Variants in CSMD2 observed in about 807,000 individuals in gnomAD.
CSMD2 encodes CUB and sushi domain-containing protein 2.
Under a neutral mutation model 398.5 loss-of-function variants are expected in CSMD2, and 130 were observed. The observed-to-expected ratio is 0.33, with a 90% confidence interval of 0.28 to 0.38. The LOEUF is 0.38. Ranked by LOEUF, CSMD2 falls within the 10% of genes least tolerant of loss-of-function variation. CSMD2 has a pLI of 1.00. For synonymous variants in CSMD2, 1,828 were observed against 1,908.5 expected (o/e 0.96, Z 1.10); for missense variants, 3,829 against 4,764.9 (o/e 0.80, Z 5.78).
At chr1:33,888,081 T>G (rs1008277881) in intron 5 of CSMD2, among the ~76,000 whole-genome samples, 1 of 152,108 alleles carries the variant, frequency 6.6e-6, no homozygotes, top group Admixed American at 6.5e-5. Flanking sequence ...ACTTATGTGA[T>G]GAAAACTATA....
intron 44 of CSMD2, among the ~76,000 whole-genome samples, chr1:33,593,857 T>G (rs1037701998): frequency 6.6e-6 from 1 of 152,164 alleles, no homozygotes; most frequent in African/African-American, 2.4e-5. Flanking sequence ...GTTTTACATG[T>G]TTTTTCTTTT....
intron 32 of CSMD2, among the ~76,000 whole-genome samples, chr1:33,630,328 T>C (rs955959991): frequency 1.5e-4 from 23 of 152,140 alleles, no homozygotes; most frequent in Non-Finnish European, 2.6e-4. Context: ...GAGGTGGTGG[T>C]TACAAAAAAT....
intron 24 of CSMD2, among the ~76,000 whole-genome samples, chr1:33,697,105 C>CCAGTT (rs1269901669): frequency 6.6e-6 from 1 of 152,116 alleles, no homozygotes; most frequent in African/African-American, 2.4e-5. Context: ...CCCAATAAGT[C>CCAGTT]CAGTCCAACT....
chr1:33,600,975 A>G lies in CSMD2; in HGVS notation c.6746T>C (p.Val2249Ala), dbSNP rs964902544. 1.2e-6 allele frequency: 2 copies of G among 1,614,112 alleles called. No homozygotes were observed. Among genetic ancestry groups the G allele is most frequent in the African/African-American group, 2.7e-5 (2 of 75,010 alleles). The change falls in exon 44 of 71, where the codon GTC (valine) becomes GCC (alanine). Residue 2249 changes from valine (V) to alanine (A), a missense_variant. This residue lies in a region of CSMD2 where 723 missense variants were observed against 758.6 expected (regional missense o/e 0.95). Coordinates refer to ENST00000373381, the MANE Select transcript of CSMD2 (RefSeq NM_001281956.2). ...TTTCTTGGCCATGCTCCGGGTGAAGACGCCGAGCCGTGGTGCTGTTTGCTG... is the reference window on the plus strand; with the variant it reads ...TTTCTTGGCCATGCTCCGGGTGAAGGCGCCGAGCCGTGGTGCTGTTTGCTG... Reference protein sequence around the residue: ...GPQQTAPRLGVFTRSMAKKTV... With the variant: ...GPQQTAPRLGAFTRSMAKKTV...
Position 33,716,504 on chromosome 1 carries a change from G to A in CSMD2, c.3002-3C>T, listed in dbSNP as rs755766357. ...GGTGTGGAAAGTGAAGAACACACCT[G>A]CCAAGAGACCAGAGGGTCAGGTTGT... On this transcript the variant is annotated splice_region_variant and splice_polypyrimidine_tract_variant and intron_variant, in intron 19 of 70. Coordinates refer to ENST00000373381, the MANE Select transcript of CSMD2 (RefSeq NM_001281956.2). The A allele has an allele frequency of 6.2e-7, 1 of 1,608,844 alleles. No individual in the cohort carries two copies. Among genetic ancestry groups the A allele is most frequent in the African/African-American group, 1.3e-5 (1 of 74,862 alleles).
chr1:33,760,721 C>T (rs1649718866), intron 13 of CSMD2, among the ~76,000 whole-genome samples: 1 of 152,104 alleles, frequency 6.6e-6, no homozygotes, highest in Admixed American at 6.6e-5. Flanking sequence ...TGGAACACAG[C>T]ACTGTGCTGG....
At chr1:34,031,129 C>T (rs1261730326) in intron 3 of CSMD2, among the ~76,000 whole-genome samples, 2 of 151,536 alleles carry the variant, frequency 1.3e-5, no homozygotes, top group Non-Finnish European at 2.9e-5. Context: ...ATTCTGTCAC[C>T]CAGGCTGGAG....
intron 2 of CSMD2, among the ~76,000 whole-genome samples, chr1:34,088,582 T>C (rs537193220): frequency 1.7e-4 from 26 of 152,340 alleles, no homozygotes; most frequent in African/African-American, 4.3e-4. Flanking sequence ...CAGAAAAGTA[T>C]TGATGGTTTC....
chr1:33,641,738 G>C (rs1643119571), intron 29 of CSMD2, among the ~76,000 whole-genome samples: 1 of 152,134 alleles, frequency 6.6e-6, no homozygotes, highest in African/African-American at 2.4e-5. Flanking sequence ...CTTTGCCTTA[G>C]AACCAGGTGG....
chr1:33,929,432 C>CCTTTTTT (rs1186047905), intron 4 of CSMD2, among the ~76,000 whole-genome samples: 1 of 100,650 alleles, frequency 9.9e-6, no homozygotes, highest in African/African-American at 4.4e-5. Context: ...CAAGCCTATA[C>CCTTTTTT]TTTTTTTTTT....
At chr1:33,912,651 C>G (rs1643514782) in intron 5 of CSMD2, among the ~76,000 whole-genome samples, 1 of 152,094 alleles carries the variant, frequency 6.6e-6, no homozygotes, top group Non-Finnish European at 1.5e-5. Context: ...GTAGTTGTCT[C>G]CTGAATGCCT....
chr1:33,611,300 T>A, intron 40 of CSMD2, 50 bp from the exon 41 acceptor site: 4 of 1,494,978 alleles, frequency 2.7e-6, no homozygotes, highest in Non-Finnish European at 3.7e-6. Context: ...CAGTCCTGCC[T>A]CAAGTGTGCT....
chr1:33,865,603 A>C (rs953091835), intron 5 of CSMD2, among the ~76,000 whole-genome samples: 3 of 152,122 alleles, frequency 2.0e-5, no homozygotes, highest in Non-Finnish European at 4.4e-5. Context: ...AGTTGGTCCT[A>C]TCAGGGTGGA....
chr1:34,081,926 C>T (rs1010737691), intron 2 of CSMD2, among the ~76,000 whole-genome samples: 1 of 151,792 alleles, frequency 6.6e-6, no homozygotes, highest in Non-Finnish European at 1.5e-5. Context: ...AGCGTCTCTT[C>T]CCGGCCGCCA....
At chr1:33,614,757 A>G (rs1252332631) in intron 39 of CSMD2, 137 bp from the exon 40 acceptor site, 1 of 592,732 alleles carries the variant, frequency 1.7e-6, no homozygotes, top group African/African-American at 1.9e-5. Context: ...ATCCAAAGGA[A>G]TCTTCTTAAA....
intron 2 of CSMD2, among the ~76,000 whole-genome samples, chr1:34,081,970 G>T (rs1657216790): frequency 6.6e-6 from 1 of 151,424 alleles, no homozygotes; most frequent in Non-Finnish European, 1.5e-5. Flanking sequence ...TCTCTAACTG[G>T]CCGCCCATCG....
chr1:33,818,114 C>A (rs1178199555), intron 9 of CSMD2, among the ~76,000 whole-genome samples: 1 of 152,130 alleles, frequency 6.6e-6, no homozygotes, highest in African/African-American at 2.4e-5. Context: ...GAGGAGGGAC[C>A]AGATCCCACC....
chr1:33,743,264 C>CAG lies in CSMD2; in HGVS notation c.2173+14_2173+15dup. On this transcript the variant is annotated intron_variant, in intron 14 of 70. Coordinates refer to ENST00000373381, the MANE Select transcript of CSMD2 (RefSeq NM_001281956.2). The stretch of plus-strand genomic sequence containing the variant: ...ACTCAGATGGAGGGCCAGCTGGTGA[C>CAG]AGAGGGAGGACTCACTGGTAAAAGT... 1 of 1,575,238 alleles carries CAG rather than the reference C, an allele frequency of 6.3e-7. No individual in the cohort carries two copies. Among genetic ancestry groups the CAG allele is most frequent in the Non-Finnish European group, 8.6e-7 (1 of 1,157,220 alleles).
At chr1:33,668,063 G>A (rs1362091291) in intron 25 of CSMD2, among the ~76,000 whole-genome samples, 1 of 152,212 alleles carries the variant, frequency 6.6e-6, no homozygotes, top group African/African-American at 2.4e-5. Flanking sequence ...TTCTAAGGAA[G>A]TGGCATTTAA....
Sources: gnomAD v4.1 joint callset for allele counts (sites outside exome capture counted in the v4.1 genomes callset) on GRCh38, gnomAD v4.1.1 for gene constraint, gnomAD v4.1.1 regional missense constraint, MANE v1.5 for transcripts, NCBI Gene and HGNC (gene_info 2026-07-23, HGNC 2026-07-21) for gene names.